Variants in EPHA6 observed in about 807,000 individuals in gnomAD.
EPHA6 encodes the protein EPH receptor A6.
A neutral mutation model predicts 112.0 loss-of-function variants in EPHA6; 50 were observed. The observed-to-expected ratio is 0.45, with a 90% CI of 0.36 to 0.56. The LOEUF (loss-of-function observed/expected upper bound fraction) is 0.56, where lower values mean the gene tolerates loss of function less well. Ranked by LOEUF, EPHA6 falls within the 20% of genes least tolerant of loss-of-function variation. The pLI is 0.00. For missense variants in EPHA6, 1,280 were observed against 1,417.4 expected (o/e 0.90, Z 1.56); for synonymous variants, 529 against 490.7 (o/e 1.08, Z -1.03).
intron 1 of EPHA6, among the ~76,000 whole-genome samples, chr3:96,844,168 A>T (rs2318153): frequency 0.25 from 38,298 of 151,896 alleles, 9,042 homozygotes; most frequent in African/African-American, 0.6. Flanking sequence ...GTTCATCTTA[A>T]ATGTTCATTC....
intron 6 of EPHA6, among the ~76,000 whole-genome samples, chr3:97,447,448 T>C (rs942790395): frequency 6.6e-6 from 1 of 152,160 alleles, no homozygotes; most frequent in Admixed American, 6.6e-5. Context: ...CTCTAGGGTT[T>C]TTATGAGGAT....
intron 14 of EPHA6, among the ~76,000 whole-genome samples, chr3:97,706,859 A>AT (rs2033705739): frequency 6.7e-6 from 1 of 148,792 alleles, no homozygotes; most frequent in Non-Finnish European, 1.5e-5. Flanking sequence ...CTGTGCTGTT[A>AT]TTATTTATTT....
intron 17 of EPHA6, among the ~76,000 whole-genome samples, chr3:97,748,180 C>A (rs1576398621): frequency 1.3e-5 from 2 of 152,106 alleles, no homozygotes; most frequent in Middle Eastern, 6.8e-3. Context: ...TCATATTATA[C>A]CTTCCATCCT....
At chr3:97,613,866 T>C (rs1403555141) in intron 13 of EPHA6, among the ~76,000 whole-genome samples, 1 of 152,198 alleles carries the variant, frequency 6.6e-6, no homozygotes, top group Non-Finnish European at 1.5e-5. Context: ...TTTTCTCTAA[T>C]TTCACTAAAA....
At chr3:97,491,519 A>C (rs1469254701) in intron 10 of EPHA6, among the ~76,000 whole-genome samples, 2 of 152,020 alleles carry the variant, frequency 1.3e-5, no homozygotes, top group Admixed American at 1.3e-4. Context: ...CTCAGAGTTT[A>C]GGAAGTTCCT....
In EPHA6 at chr3:97,202,768, A is replaced by G. The variant is rs550847028; in HGVS notation, c.1115-23496A>G. On this transcript the variant is annotated intron_variant, in intron 3 of 17. Transcript: ENST00000389672. Reference sequence around the variant, plus strand: ...ACTTTCTGAGCAAACCCCTATTGCCAAATACTGTTTTATGTACTATGGATA... The same window carrying G: ...ACTTTCTGAGCAAACCCCTATTGCCGAATACTGTTTTATGTACTATGGATA... 2.6e-5 allele frequency among the ~76,000 whole-genome samples: 4 copies of G among 152,314 alleles called. No homozygotes were observed. The South Asian group carries it at 8.3e-4, about 32-fold the overall frequency.
intron 3 of EPHA6, among the ~76,000 whole-genome samples, chr3:96,994,728 T>TAGAGAGAGAGAGAGAGAGAGAGAG (rs1455826302): frequency 5.1e-5 from 4 of 78,830 alleles, no homozygotes; most frequent in African/African-American, 1.5e-4. Flanking sequence ...TATATATATA[T>TAGAGAGAGAGAGAGAGAGAGAGAG]ATATAGAGAG....
At chr3:97,631,085 C>A (rs554882884) in intron 13 of EPHA6, among the ~76,000 whole-genome samples, 2 of 151,930 alleles carry the variant, frequency 1.3e-5, no homozygotes, top group African/African-American at 4.8e-5. Context: ...GATGATTTTT[C>A]ATCTTTTACT....
At chr3:97,042,408 A>T (rs1439380005) in intron 3 of EPHA6, among the ~76,000 whole-genome samples, 1 of 152,124 alleles carries the variant, frequency 6.6e-6, no homozygotes, top group Non-Finnish European at 1.5e-5. Context: ...TACAGCCTGC[A>T]GAACTGTTAG....
intron 2 of EPHA6, among the ~76,000 whole-genome samples, chr3:96,985,323 T>TC (rs2107837350): frequency 6.6e-6 from 1 of 152,270 alleles, no homozygotes; most frequent in South Asian, 2.1e-4. Flanking sequence ...AAAATAAAAA[T>TC]CATCATTGGA....
intron 2 of EPHA6, among the ~76,000 whole-genome samples, chr3:96,928,633 T>A (rs2040162418): frequency 6.6e-6 from 1 of 152,178 alleles, no homozygotes; most frequent in Non-Finnish European, 1.5e-5. Context: ...ATCTAACAGG[T>A]CCACTTGACT....
intron 2 of EPHA6, among the ~76,000 whole-genome samples, chr3:96,957,949 C>T (rs1254502518): frequency 6.6e-6 from 1 of 152,100 alleles, no homozygotes; most frequent in Non-Finnish European, 1.5e-5. Context: ...GGTAAAGTTG[C>T]ACCTCATAGC....
chr3:97,191,148 T>G (rs2077295014), intron 3 of EPHA6, among the ~76,000 whole-genome samples: 1 of 152,168 alleles, frequency 6.6e-6, no homozygotes, highest in South Asian at 2.1e-4. Flanking sequence ...CTGAGACAAA[T>G]AAACCCTTCA....
intron 3 of EPHA6, among the ~76,000 whole-genome samples, chr3:97,027,996 G>A (rs1441798324): frequency 1.3e-5 from 2 of 152,096 alleles, no homozygotes; most frequent in Admixed American, 6.6e-5. Context: ...GTCAATAGCC[G>A]AATTTTCTTT....
chr3:97,084,109 T>C (rs1422875239), intron 3 of EPHA6, among the ~76,000 whole-genome samples: 8 of 122,762 alleles, frequency 6.5e-5, no homozygotes, highest in African/African-American at 2.3e-4. Context: ...TGGATATATA[T>C]ATATATATAT....
chr3:97,690,682 G>A (rs567545434), intron 14 of EPHA6, among the ~76,000 whole-genome samples: 8 of 152,126 alleles, frequency 5.3e-5, no homozygotes, highest in African/African-American at 1.2e-4. Flanking sequence ...TGACCAGGCC[G>A]GTCTCGAACT....
At chr3:97,330,307 T>C (rs2082718930) in intron 5 of EPHA6, among the ~76,000 whole-genome samples, 1 of 152,168 alleles carries the variant, frequency 6.6e-6, no homozygotes, top group Admixed American at 6.6e-5. Context: ...GTGGGCTCTT[T>C]TTTGGTTCCA....
chr3:97,059,422 C>T (rs1305126071), intron 3 of EPHA6, among the ~76,000 whole-genome samples: 2 of 152,060 alleles, frequency 1.3e-5, no homozygotes, highest in African/African-American at 4.8e-5. Flanking sequence ...GTGTAACACA[C>T]ATTGAAATTC....
intron 15 of EPHA6, among the ~76,000 whole-genome samples, chr3:97,730,817 T>C (rs1276584572): frequency 1.3e-5 from 2 of 152,156 alleles, no homozygotes; most frequent in Non-Finnish European, 2.9e-5. Flanking sequence ...TTGTGCTACA[T>C]GCTGGGAACA....
Sources: allele counts gnomAD v4.1 joint callset (sites outside exome capture counted in the v4.1 genomes callset), GRCh38; gene constraint gnomAD v4.1.1; transcripts MANE v1.5; gene names NCBI Gene and HGNC (gene_info 2026-07-23, HGNC 2026-07-21).